SPMIP3: variants seen among roughly 807,000 people sequenced by gnomAD.
SPMIP3 encodes the protein protein SPMIP3.
the SPMIP3 span, among the ~76,000 whole-genome samples, chr1:244,353,959 C>T: frequency 1.3e-5 from 2 of 152,178 alleles, no homozygotes; most frequent in Non-Finnish European, 2.9e-5. Context: ...TCCCCACCCA[C>T]GCCTTCTCTG....
At chr1:244,369,947 C>T in the SPMIP3 span, among the ~76,000 whole-genome samples, 1 of 152,108 alleles carries the variant, frequency 6.6e-6, no homozygotes, top group Non-Finnish European at 1.5e-5. Flanking sequence ...ACATGCTGGC[C>T]CTCAGGTAGC....
the SPMIP3 span, among the ~76,000 whole-genome samples, chr1:244,374,882 G>C: frequency 6.6e-6 from 1 of 151,956 alleles, no homozygotes. Flanking sequence ...ACAGGTGTGA[G>C]CCACCGTGCC....
the SPMIP3 span, among the ~76,000 whole-genome samples, chr1:244,373,074 C>T: frequency 6.6e-6 from 1 of 151,890 alleles, no homozygotes; most frequent in Admixed American, 6.6e-5. Flanking sequence ...TGCTTTTAGT[C>T]ACATGGTCTT....
chr1:244,372,347 C>A, the SPMIP3 span, among the ~76,000 whole-genome samples: 1 of 152,022 alleles, frequency 6.6e-6, no homozygotes, highest in Non-Finnish European at 1.5e-5. Context: ...TTGGTTGAGT[C>A]GAACTGAAGG....
chr1:244,383,526 A>G, the SPMIP3 span, among the ~76,000 whole-genome samples: 1 of 152,146 alleles, frequency 6.6e-6, no homozygotes, highest in African/African-American at 2.4e-5. Flanking sequence ...ATAAATAACC[A>G]TAAAAGTCTA....
At chr1:244,373,332 T>TTTTATATATATATATATATATATATATA in the SPMIP3 span, among the ~76,000 whole-genome samples, 1,722 of 84,902 alleles carry the variant, frequency 0.02, 244 homozygotes, top group East Asian at 0.038. Flanking sequence ...CAAAAAAAAA[T>TTTTATATATATATATATATATATATATA]TATATATATA....
the SPMIP3 span, among the ~76,000 whole-genome samples, chr1:244,381,356 A>G: frequency 6.6e-6 from 1 of 152,186 alleles, no homozygotes; most frequent in Non-Finnish European, 1.5e-5. Context: ...GTGACCTTCA[A>G]CAGGACCTTC....
chr1:244,353,319 A>G, the SPMIP3 span, among the ~76,000 whole-genome samples: 1 of 152,126 alleles, frequency 6.6e-6, no homozygotes, highest in African/African-American at 2.4e-5. Flanking sequence ...CCGAGGTGGG[A>G]GAATCACTTG....
the SPMIP3 span, among the ~76,000 whole-genome samples, chr1:244,369,677 G>A: frequency 6.8e-6 from 1 of 147,930 alleles, no homozygotes; most frequent in East Asian, 2.4e-4. Flanking sequence ...GGGCACGAAA[G>A]ATTGGTTGGA....
the SPMIP3 span, among the ~76,000 whole-genome samples, chr1:244,359,595 C>T: frequency 0.015 from 2,308 of 151,682 alleles, 45 homozygotes; most frequent in African/African-American, 0.048. Context: ...TGGTGGCGGG[C>T]GCCTGTAATC....
At chr1:244,373,332 T>TTA in the SPMIP3 span, among the ~76,000 whole-genome samples, 2,183 of 85,180 alleles carry the variant, frequency 0.026, 342 homozygotes, top group African/African-American at 0.066. Context: ...CAAAAAAAAA[T>TTA]TATATATATA....
chr1:244,365,849 G>T, the SPMIP3 span, among the ~76,000 whole-genome samples: 5 of 152,170 alleles, frequency 3.3e-5, no homozygotes, highest in Non-Finnish European at 5.9e-5. Context: ...ATTTTACTCT[G>T]CTTGTGGGAA....
chr1:244,389,429 A>C, the SPMIP3 span: 92 of 164,402 alleles, frequency 5.6e-4, 1 homozygote, highest in Non-Finnish European at 4.5e-4. Flanking sequence ...ATGGCCAATT[A>C]TAAAGAAAAC....
At chr1:244,376,515 TC>T in the SPMIP3 span, 3 of 152,170 alleles carry the variant, frequency 2.0e-5, no homozygotes, top group Non-Finnish European at 4.4e-5. Flanking sequence ...TAGAAAACAT[TC>T]ACAGTCAAAA....
At chr1:244,366,104 A>G in the SPMIP3 span, among the ~76,000 whole-genome samples, 1 of 152,142 alleles carries the variant, frequency 6.6e-6, no homozygotes, top group Non-Finnish European at 1.5e-5. Flanking sequence ...TCACACCATG[A>G]CATGGGGGTC....
chr1:244,362,439 C>A, the SPMIP3 span, among the ~76,000 whole-genome samples: 1 of 152,256 alleles, frequency 6.6e-6, no homozygotes, highest in Non-Finnish European at 1.5e-5. Flanking sequence ...GAGTAAATAG[C>A]AGTAAAACTC....
At chr1:244,362,010 T>TTC in the SPMIP3 span, among the ~76,000 whole-genome samples, 1 of 151,824 alleles carries the variant, frequency 6.6e-6, no homozygotes, top group African/African-American at 2.4e-5. Context: ...TTCTTTCTCT[T>TTC]TCTCTCTCTC....
chr1:244,370,981 C>T, the SPMIP3 span, among the ~76,000 whole-genome samples: 1 of 152,130 alleles, frequency 6.6e-6, no homozygotes, highest in Admixed American at 6.6e-5. Context: ...GGATGAGCCC[C>T]AGCAGGGCCG....
chr1:244,353,769 A>G, the SPMIP3 span, among the ~76,000 whole-genome samples: 2 of 152,176 alleles, frequency 1.3e-5, no homozygotes, highest in South Asian at 4.1e-4. Flanking sequence ...GGAGAAGGGA[A>G]CCAACCTTCC....
Sources: gnomAD v4.1 joint callset for allele counts (sites outside exome capture counted in the v4.1 genomes callset) on GRCh38, gnomAD v4.1.1 for gene constraint, MANE v1.5 for transcripts, NCBI Gene and HGNC (gene_info 2026-07-23, HGNC 2026-07-21) for gene names.